The following SPAG16 variants were observed in gnomAD, a reference collection of about 807,000 sequenced individuals.
The protein encoded by SPAG16 is sperm-associated antigen 16 protein.
SPAG16 carries 86 observed loss-of-function variants against 80.4 expected under a neutral mutation model. The observed-to-expected ratio is 1.07, with a 90% confidence interval of 0.90 to 1.28. SPAG16 has a LOEUF of 1.28. Among genes scored for constraint, SPAG16 ranks in the 50% most tolerant of loss-of-function variants. SPAG16 has a pLI of 0.00. For synonymous variants in SPAG16, 294 were observed against 265.9 expected, an observed-to-expected ratio of 1.11 and a Z score of -1.03; for missense variants, 870 against 765.3, an observed-to-expected ratio of 1.14 and a Z score of -1.61.
rs919542165 is a variant in SPAG16 at position 213,364,096 on chromosome 2, A to G, written c.783A>G (p.Thr261=). The change falls in exon 8 of 16, where the codon ACA becomes ACG. Residue 261 remains threonine, a synonymous_variant. Transcript: ENST00000331683. ...VVGQISGLQE[T]LKKLQRGHSY... ...TTTAGATTTCTGGACTTCAAGAAAC[A>G]TTGAAGAAACTGCAAAGAGGACATA... The G allele has an allele frequency of 1.3e-6, 2 of 1,522,764 alleles. No homozygotes were observed. The highest frequency in any genetic ancestry group is 1.4e-5 in the African/African-American group (1 of 71,346). The allele number at this position is 1,522,764 out of a possible 1,614,324, so 94.3% of individuals were successfully genotyped here.
chr2:213,838,901 C>T (rs1161660386), intron 10 of SPAG16, among the ~76,000 whole-genome samples: 1 of 152,150 alleles, frequency 6.6e-6, no homozygotes, highest in East Asian at 1.9e-4. Flanking sequence ...ATGAATAACT[C>T]CATTGTGGTT....
intron 10 of SPAG16, among the ~76,000 whole-genome samples, chr2:213,759,046 T>A (rs1250162851): frequency 1.3e-5 from 2 of 152,058 alleles, no homozygotes; most frequent in Non-Finnish European, 2.9e-5. Flanking sequence ...ACAGAAAACA[T>A]TATCAAACAA....
intron 13 of SPAG16, among the ~76,000 whole-genome samples, chr2:214,099,513 A>G (rs1158533324): frequency 6.6e-6 from 1 of 152,120 alleles, no homozygotes; most frequent in African/African-American, 2.4e-5. Context: ...TCACTCAAAT[A>G]TCACATTCTT....
At position 213,895,927 on chromosome 2, in the gene SPAG16, T is replaced by TA. The variant is rs199821998; in HGVS notation, c.1214+33308dup. ...GGCAACTAAAGCAAAAAATAAAAAA[T>TA]AAAAAAAAATGAAAAGAAAAACCAG... On this transcript the variant is annotated intron_variant, in intron 11 of 15. Coordinates refer to ENST00000331683, the MANE Select transcript of SPAG16 (RefSeq NM_024532.5). 2.5e-3 allele frequency among the ~76,000 whole-genome samples: 378 copies of TA among 148,456 alleles called. 1 individual carries two copies. The highest frequency in any genetic ancestry group is 7.5e-3 in the African/African-American group (302 of 40,450).
intron 15 of SPAG16, among the ~76,000 whole-genome samples, chr2:214,318,935 C>T (rs973912062): frequency 6.6e-6 from 1 of 152,152 alleles, no homozygotes; most frequent in Non-Finnish European, 1.5e-5. Context: ...AGATGCTACC[C>T]TTTTCCAGCT....
At chr2:213,888,262 A>C (rs926784593) in intron 11 of SPAG16, among the ~76,000 whole-genome samples, 1 of 151,748 alleles carries the variant, frequency 6.6e-6, no homozygotes, top group Admixed American at 6.6e-5. Flanking sequence ...TTTTCTGACA[A>C]AGCTCCTGTT....
chr2:213,345,988 C>T (rs928715247), intron 6 of SPAG16, among the ~76,000 whole-genome samples: 17 of 152,204 alleles, frequency 1.1e-4, no homozygotes, highest in South Asian at 4.1e-4. Context: ...GCCATTTTCA[C>T]GATATTGATT....
At chr2:213,555,203 A>G (rs1205803904) in intron 10 of SPAG16, among the ~76,000 whole-genome samples, 3 of 152,220 alleles carry the variant, frequency 2.0e-5, no homozygotes, top group East Asian at 3.8e-4. Context: ...CTGAAGGGAA[A>G]AACAACCTGC....
intron 13 of SPAG16, among the ~76,000 whole-genome samples, chr2:214,014,320 C>A (rs868396242): frequency 1.3e-5 from 2 of 152,072 alleles, no homozygotes; most frequent in African/African-American, 4.8e-5. Flanking sequence ...TTATTTATTG[C>A]GATAGAAGCT....
At chr2:213,354,176 G>C (rs899974584) in intron 7 of SPAG16, among the ~76,000 whole-genome samples, 4 of 152,100 alleles carry the variant, frequency 2.6e-5, no homozygotes, top group Non-Finnish European at 5.9e-5. Flanking sequence ...GAGAATGATG[G>C]TTTCCAGCTT....
At chr2:213,380,151 T>C (rs1268711870) in intron 9 of SPAG16, among the ~76,000 whole-genome samples, 1 of 152,210 alleles carries the variant, frequency 6.6e-6, no homozygotes, top group Non-Finnish European at 1.5e-5. Context: ...AGTCAGCATA[T>C]AATCACACAT....
chr2:214,323,892 T>C (rs115519923), intron 15 of SPAG16, among the ~76,000 whole-genome samples: 98 of 152,358 alleles, frequency 6.4e-4, no homozygotes, highest in African/African-American at 2.2e-3. Context: ...ACATTATATG[T>C]AAAGAAAGCT....
chr2:214,076,205 A>G (rs2051064279), intron 13 of SPAG16, among the ~76,000 whole-genome samples: 2 of 152,192 alleles, frequency 1.3e-5, no homozygotes, highest in South Asian at 4.1e-4. Context: ...TTTTTGAGGT[A>G]TATTTATCTT....
At chr2:214,365,029 T>A (rs1699390315) in intron 15 of SPAG16, among the ~76,000 whole-genome samples, 1 of 152,014 alleles carries the variant, frequency 6.6e-6, no homozygotes, top group Admixed American at 6.6e-5. Flanking sequence ...AAAAAGAGAA[T>A]GGTAAGGAGA....
chr2:213,873,172 T>G (rs58261587), intron 11 of SPAG16, among the ~76,000 whole-genome samples: 89,921 of 151,464 alleles, frequency 0.59, 28,548 homozygotes, highest in South Asian at 0.85. Context: ...AATTCATCAG[T>G]GAAGCCATCT....
intron 13 of SPAG16, among the ~76,000 whole-genome samples, chr2:214,052,155 G>A (rs1021907955): frequency 6.6e-6 from 1 of 152,148 alleles, no homozygotes; most frequent in African/African-American, 2.4e-5. Flanking sequence ...TTTGCATGGA[G>A]TAGAAAAGGG....
intron 10 of SPAG16, among the ~76,000 whole-genome samples, chr2:213,531,198 T>C (rs556984995): frequency 6.6e-6 from 1 of 152,198 alleles, no homozygotes; most frequent in Admixed American, 6.5e-5. Context: ...TAACAGGTCT[T>C]TGAGCACCTT....
chr2:213,394,934 CACTTT>C (rs1175641626), intron 9 of SPAG16, among the ~76,000 whole-genome samples: 1 of 152,144 alleles, frequency 6.6e-6, no homozygotes, highest in Non-Finnish European at 1.5e-5. Flanking sequence ...CAGATTATCT[CACTTT>C]ACTTGAGTTT....
chr2:213,660,036 G>A (rs1324624527), intron 10 of SPAG16, among the ~76,000 whole-genome samples: 1 of 151,970 alleles, frequency 6.6e-6, no homozygotes, highest in East Asian at 1.9e-4. Context: ...CAGAATACTG[G>A]TAGAGGAAGC....
Sources: allele counts gnomAD v4.1 joint callset (sites outside exome capture counted in the v4.1 genomes callset), GRCh38; gene constraint gnomAD v4.1.1; transcripts MANE v1.5; gene names NCBI Gene and HGNC (gene_info 2026-07-23, HGNC 2026-07-21).